KIF13B: variants seen among roughly 807,000 people sequenced by gnomAD.
KIF13B encodes the protein kinesin-like protein KIF13B.
KIF13B carries 127 observed loss-of-function variants against 222.0 expected under a neutral mutation model. The ratio of observed to expected loss-of-function variants is 0.57; its 90% CI spans 0.50 to 0.66. The LOEUF is 0.66. Among genes scored for constraint, KIF13B ranks in the 30% least tolerant of loss-of-function variants. KIF13B has a pLI of 0.00. For missense variants in KIF13B, 2,173 were observed against 2,379.0 expected (o/e 0.91, Z 1.80); for synonymous variants, 976 against 919.0 (o/e 1.06, Z -1.12).
At chr8:29,076,586 T>C (rs1807570754) in intron 37 of KIF13B, among the ~76,000 whole-genome samples, 1 of 151,366 alleles carries the variant, frequency 6.6e-6, no homozygotes, top group South Asian at 2.1e-4. Context: ...GGGAGAAGAG[T>C]CCCGAAGAAG....
intron 13 of KIF13B, among the ~76,000 whole-genome samples, chr8:29,158,096 T>C (rs1453016568): frequency 6.6e-6 from 1 of 152,160 alleles, no homozygotes; most frequent in African/African-American, 2.4e-5. Flanking sequence ...CTTCCCCTGA[T>C]CCTGACATGG....
At chr8:29,121,400 C>T (rs560960701) in intron 29 of KIF13B, among the ~76,000 whole-genome samples, 5 of 48,876 alleles carry the variant, frequency 1.0e-4, no homozygotes, top group South Asian at 7.2e-4. Flanking sequence ...GAAATAATGC[C>T]GCATATCTAC....
intron 23 of KIF13B, 95 bp downstream of exon 23, chr8:29,132,213 T>C: frequency 2.0e-6 from 2 of 990,928 alleles, no homozygotes; most frequent in Admixed American, 3.1e-5. Flanking sequence ...GCCACTGCAC[T>C]CCAGCCTGGG....
intron 38 of KIF13B, among the ~76,000 whole-genome samples, chr8:29,074,415 G>A (rs1393551523): frequency 6.6e-6 from 1 of 152,238 alleles, no homozygotes; most frequent in East Asian, 1.9e-4. Context: ...GACTGGAGTT[G>A]ATTTGTGAGT....
intron 29 of KIF13B, among the ~76,000 whole-genome samples, chr8:29,122,016 A>G (rs2129730927): frequency 6.6e-6 from 1 of 152,274 alleles, no homozygotes; most frequent in East Asian, 1.9e-4. Flanking sequence ...GCACTTTGGG[A>G]GGCCAAGGAG....
intron 1 of KIF13B, among the ~76,000 whole-genome samples, chr8:29,262,755 G>C (rs1708281372): frequency 6.7e-6 from 1 of 149,896 alleles, no homozygotes; most frequent in South Asian, 2.1e-4. Flanking sequence ...CGGCACGAGG[G>C]GCCCGACGGC....
In KIF13B at chr8:29,122,637, T is replaced by G; in HGVS notation, c.3489A>C (p.Val1163=). ...CAGGAATGTGTGTCTCCATCCCAGG[T>G]ACTGGGGTCCTAAAACGGGAAGAAC... ...IPGAPAEWTP[V]PGMETHIPVI... is the part of the protein sequence containing the mutation. Residue 1163 remains valine, a synonymous_variant, in exon 29 of 40, where the codon GTA becomes GTC. Coordinates refer to ENST00000524189, the MANE Select transcript of KIF13B (RefSeq NM_015254.4). The G allele has an allele frequency of 6.2e-7, 1 of 1,608,318 alleles. No homozygotes were observed. Among genetic ancestry groups the G allele is most frequent in the Non-Finnish European group, 8.5e-7 (1 of 1,177,134 alleles).
intron 2 of KIF13B, among the ~76,000 whole-genome samples, chr8:29,227,889 C>T (rs767576351): frequency 1.3e-5 from 2 of 151,736 alleles, no homozygotes; most frequent in Non-Finnish European, 2.9e-5. Flanking sequence ...AGTTCAAGTA[C>T]ATGATGAGCC....
At chr8:29,124,176 T>C in intron 26 of KIF13B, 53 bp from the exon 27 acceptor site, 1 of 1,043,992 alleles carries the variant, frequency 9.6e-7, no homozygotes, top group Non-Finnish European at 1.5e-6. Flanking sequence ...ATAATCTATC[T>C]GAAACTGATG....
chr8:29,159,731 C>T (rs959841248), intron 13 of KIF13B, among the ~76,000 whole-genome samples: 2 of 152,180 alleles, frequency 1.3e-5, no homozygotes, highest in Non-Finnish European at 2.9e-5. Context: ...AACCACAACA[C>T]TTGAGACATG....
intron 13 of KIF13B, among the ~76,000 whole-genome samples, chr8:29,159,823 G>A (rs933506045): frequency 6.6e-6 from 1 of 152,154 alleles, no homozygotes; most frequent in Non-Finnish European, 1.5e-5. Context: ...TAACAACAGG[G>A]CTTCTCAAAA....
At chr8:29,180,415 T>C (rs774055643) in intron 7 of KIF13B, among the ~76,000 whole-genome samples, 177 bp from the exon 8 acceptor site, 3 of 152,214 alleles carry the variant, frequency 2.0e-5, no homozygotes, top group Admixed American at 6.5e-5. Context: ...ATACTGTCTC[T>C]GAAAACTTTC....
At chr8:29,214,638 T>C (rs1384952952) in intron 2 of KIF13B, among the ~76,000 whole-genome samples, 1 of 152,238 alleles carries the variant, frequency 6.6e-6, no homozygotes, top group African/African-American at 2.4e-5. Flanking sequence ...AAAATAATGA[T>C]AAAAAGTCTA....
rs560744595 is a variant in KIF13B, at chr8:29,166,042, T to G, written c.1159-270A>C. ...ATAATTACATTTAAGGATGCAAAAA[T>G]GTAAAGCTTCTAAGGGTTTATCTTT... On this transcript the variant is annotated intron_variant, in intron 11 of 39. Transcript: ENST00000524189. Among the ~76,000 whole-genome samples, 6 of 152,078 alleles carry G rather than the reference T, an allele frequency of 3.9e-5. No individual in the cohort carries two copies. In the South Asian group the frequency reaches 1.2e-3, roughly 31 times the overall value.
At chr8:29,194,696 T>C (rs1813341175) in intron 3 of KIF13B, among the ~76,000 whole-genome samples, 1 of 152,228 alleles carries the variant, frequency 6.6e-6, no homozygotes, top group Non-Finnish European at 1.5e-5. Flanking sequence ...TTTCATAAAC[T>C]GGACAAGTCT....
chr8:29,225,654 G>C (rs1814987660), intron 2 of KIF13B, among the ~76,000 whole-genome samples: 1 of 152,202 alleles, frequency 6.6e-6, no homozygotes, highest in Non-Finnish European at 1.5e-5. Flanking sequence ...TTTACCAGCA[G>C]TTTTAAACCT....
Position 29,072,316 on chromosome 8 carries a change from C to G in KIF13B, c.4522G>C (p.Ala1508Pro). The change falls in exon 39 of 40, where the codon GCT becomes CCT. Residue 1508 changes from alanine to proline, a missense_variant and splice_region_variant. This residue lies in a region of KIF13B where 693 missense variants were observed against 656.2 expected (regional missense o/e 1.06). Coordinates refer to ENST00000524189, the MANE Select transcript of KIF13B (RefSeq NM_015254.4). The stretch of plus-strand genomic sequence containing the variant: ...ACGTCAGGGCCCATCTCCGGCTGAG[C>G]CTGCAGCAGGACGGGGAAGCAGGGG... ...PDIRVTRMEE[A>P]QPEMGPDVLV... 2 of 1,407,526 alleles carry G rather than the reference C, an allele frequency of 1.4e-6. No homozygotes were observed. The highest frequency in any genetic ancestry group is 1.9e-6 in the Non-Finnish European group (2 of 1,076,818). The allele number at this position is 1,407,526 out of a possible 1,614,324, so 87.2% of individuals were successfully genotyped here.
chr8:29,174,097 A>C (rs1812377483), intron 10 of KIF13B, among the ~76,000 whole-genome samples: 1 of 152,224 alleles, frequency 6.6e-6, no homozygotes, highest in Admixed American at 6.5e-5. Context: ...ATCACCTTAC[A>C]TGGTTATCTT....
At position 29,176,124 on chromosome 8, in the gene KIF13B, T is replaced by C. The variant is rs764782431; in HGVS notation, c.889A>G (p.Lys297Glu). 6.9e-5 allele frequency: 111 copies of C among 1,613,774 alleles called. No individual in the cohort carries two copies. Among genetic ancestry groups the C allele is most frequent in the Non-Finnish European group, 9.1e-5 (107 of 1,179,838 alleles). Reference sequence around the variant, plus strand: ...TATGGAACAAATTTATTCTTGTTTTTGCCAGCACTCTGATCTGCAAGAGCT... The same window carrying C: ...TATGGAACAAATTTATTCTTGTTTTCGCCAGCACTCTGATCTGCAAGAGCT... ...ISALADQSAG[K>E]NKNKFVPYRD... is the part of the protein sequence containing the mutation. The change falls in exon 10 of 40, where the codon AAA (lysine) becomes GAA (glutamate). Residue 297 changes from lysine (K) to glutamate (E), a missense_variant. By Grantham distance (56) the Lys-to-Glu change is moderately conservative. Transcript: ENST00000524189.
Sources: gnomAD v4.1 joint callset for allele counts (sites outside exome capture counted in the v4.1 genomes callset) on GRCh38, gnomAD v4.1.1 for gene constraint, gnomAD v4.1.1 regional missense constraint, MANE v1.5 for transcripts, NCBI Gene and HGNC (gene_info 2026-07-23, HGNC 2026-07-21) for gene names.